The following NTNG2 variants were observed in gnomAD, a reference collection of about 807,000 sequenced individuals.
NTNG2 encodes netrin-G2.
A neutral mutation model predicts 47.6 loss-of-function variants in NTNG2; 15 were observed. The observed-to-expected ratio is 0.32, with a 90% CI of 0.21 to 0.49. NTNG2 has a LOEUF of 0.49. Ranked by LOEUF, NTNG2 falls within the 20% of genes least tolerant of loss-of-function variation. The pLI, the probability that NTNG2 is intolerant of heterozygous loss-of-function variation, is 0.99. For missense variants in NTNG2, 578 were observed against 764.6 expected (o/e 0.76, Z 2.88); for synonymous variants, 307 against 324.6 (o/e 0.95, Z 0.58).
At chr9:132,235,317 G>A (rs1841540802) in intron 5 of NTNG2, among the ~76,000 whole-genome samples, 1 of 152,218 alleles carries the variant, frequency 6.6e-6, no homozygotes, top group Non-Finnish European at 1.5e-5. Flanking sequence ...GGCGGGACCT[G>A]GTCTAGCTCT....
At chr9:132,240,210 C>G (rs569904434) in intron 6 of NTNG2, among the ~76,000 whole-genome samples, 1 of 152,344 alleles carries the variant, frequency 6.6e-6, no homozygotes, top group South Asian at 2.1e-4. Flanking sequence ...TGAATTCTGG[C>G]GGCAGCCTTC....
chr9:132,187,393 G>C (rs1228422094), intron 2 of NTNG2, among the ~76,000 whole-genome samples: 1 of 152,230 alleles, frequency 6.6e-6, no homozygotes, highest in Non-Finnish European at 1.5e-5. Flanking sequence ...CGAGCGGGGA[G>C]GGTGACCTTG....
chr9:132,237,612 G>A (rs12003603), intron 5 of NTNG2, among the ~76,000 whole-genome samples: 2,586 of 152,278 alleles, frequency 0.017, 82 homozygotes, highest in African/African-American at 0.059. Flanking sequence ...ATAGAGGACC[G>A]ATGCCTGGCT....
Position 132,239,289 on chromosome 9 carries a change from C to T in NTNG2, c.1222+18C>T, listed in dbSNP as rs570773248. On this transcript the variant is annotated intron_variant, in intron 6 of 7. Transcript: ENST00000393229. ...CTGCATTGGTGAGAGGGCACGGACA[C>T]GGCACAGGGAACTTGCTGGAATGCG... 2.4e-5 allele frequency: 39 copies of T among 1,612,932 alleles called. 1 individual carries two copies. The highest frequency in any genetic ancestry group is 5.5e-5 in the South Asian group (5 of 91,060).
chr9:132,219,521 C>A (rs1443602514), intron 3 of NTNG2, among the ~76,000 whole-genome samples: 3 of 142,652 alleles, frequency 2.1e-5, no homozygotes, highest in East Asian at 4.1e-4. Context: ...TGCAGTGAGC[C>A]AAGATCATAC....
At chr9:132,178,214 T>C (rs1010839989) in intron 2 of NTNG2, among the ~76,000 whole-genome samples, 1 of 151,962 alleles carries the variant, frequency 6.6e-6, no homozygotes. Context: ...CTCATTTTCT[T>C]CTCCCTCTTT....
intron 2 of NTNG2, among the ~76,000 whole-genome samples, chr9:132,194,619 G>A (rs955353509): frequency 2.6e-5 from 4 of 152,226 alleles, no homozygotes; most frequent in Non-Finnish European, 5.9e-5. Context: ...TCTCGAGAAG[G>A]CTGGGGCCAG....
intron 2 of NTNG2, among the ~76,000 whole-genome samples, chr9:132,192,451 C>T (rs192614952): frequency 9.7e-4 from 147 of 152,214 alleles, no homozygotes; most frequent in African/African-American, 3.3e-3. Flanking sequence ...ATTAGCCAGG[C>T]GTGGTGGCGC....
In NTNG2 at chr9:132,231,351, G is replaced by C. The variant is rs1172407073; in HGVS notation, c.1054+756G>C. ...ATCTGCTCTGCGAGGCAGCAGGAGA[G>C]GACTGGCCAATGTCAAAGAGCCAGC... On this transcript the variant is annotated intron_variant, in intron 5 of 7. Transcript: ENST00000393229. This position sits in a 1 kb window ranked among gnomAD's most constrained non-coding sequence, Gnocchi z 4.1. 2.2e-6 allele frequency: 1 copy of C among 456,258 alleles called. No homozygotes were observed. Among genetic ancestry groups the C allele is most frequent in the South Asian group, 1.5e-5 (1 of 64,522 alleles). The allele number at this position is 456,258 out of a possible 1,614,324, so 28.3% of individuals were successfully genotyped here. A position where few individuals can be genotyped will look rare whatever the true frequency, so the allele number is the denominator to read the frequency against.
In NTNG2 at chr9:132,218,789, G is replaced by T. The variant is rs981020959; in HGVS notation, c.858-8060G>T. 5.3e-5 allele frequency among the ~76,000 whole-genome samples: 8 copies of T among 152,128 alleles called. No individual in the cohort carries two copies. Among genetic ancestry groups the T allele is most frequent in the African/African-American group, 1.9e-4 (8 of 41,426 alleles). ...TGGGATTACAGGCGTGAGCCAACGCGCCCGGCCCCAATGTGATAGGTTTAT... is the reference window on the plus strand; with the variant it reads ...TGGGATTACAGGCGTGAGCCAACGCTCCCGGCCCCAATGTGATAGGTTTAT... On this transcript the variant is annotated intron_variant, in intron 3 of 7. Transcript: ENST00000393229. The surrounding 1 kb of genome is among the most constrained non-coding windows in gnomAD (Gnocchi z 5.4).
At position 132,221,646 on chromosome 9, in the gene NTNG2, C is replaced by T. The variant is rs1186245336; in HGVS notation, c.858-5203C>T. Among the ~76,000 whole-genome samples the T allele has an allele frequency of 6.6e-6, 1 of 152,152 alleles. No homozygotes were observed. Among genetic ancestry groups the T allele is most frequent in the African/African-American group, 2.4e-5 (1 of 41,446 alleles). The stretch of plus-strand genomic sequence containing the variant: ...AGTTGAAGAGGCCGGGACATCTTCT[C>T]CTGTTCCCGAGGAAGACAGGACTGA... On this transcript the variant is annotated intron_variant, in intron 3 of 7. Coordinates refer to ENST00000393229, the MANE Select transcript of NTNG2 (RefSeq NM_032536.4). The surrounding 1 kb of genome is among the most constrained non-coding windows in gnomAD (Gnocchi z 4.2).
chr9:132,173,423 G>A (rs1177698384), intron 2 of NTNG2, among the ~76,000 whole-genome samples: 4 of 152,328 alleles, frequency 2.6e-5, no homozygotes, highest in African/African-American at 2.4e-5. Flanking sequence ...GTGGAAGGCA[G>A]GCAGCTGTGT....
chr9:132,235,174 C>T (rs1169560336), intron 5 of NTNG2, among the ~76,000 whole-genome samples: 2 of 152,182 alleles, frequency 1.3e-5, no homozygotes, highest in Non-Finnish European at 2.9e-5. Context: ...AGGCTCCGGT[C>T]CCTGGATTGC....
chr9:132,218,896 T>G lies in NTNG2; in HGVS notation c.858-7953T>G, dbSNP rs889013158. On this transcript the variant is annotated intron_variant, in intron 3 of 7. Coordinates refer to ENST00000393229, the MANE Select transcript of NTNG2 (RefSeq NM_032536.4). The surrounding 1 kb of genome is among the most constrained non-coding windows in gnomAD (Gnocchi z 5.4). ...TGGAAGCTGTAAGCCCTTCCCTGTT[T>G]CCACACATCCCGATCATTCATTCAC... Among the ~76,000 whole-genome samples, 4 of 152,254 alleles carry G rather than the reference T, an allele frequency of 2.6e-5. No homozygotes were observed. The highest frequency in any genetic ancestry group is 9.6e-5 in the African/African-American group (4 of 41,460).
At chr9:132,172,229 G>A (rs760328828) in intron 2 of NTNG2, among the ~76,000 whole-genome samples, 6 of 152,148 alleles carry the variant, frequency 3.9e-5, no homozygotes, top group Non-Finnish European at 8.8e-5. Flanking sequence ...CAAGGTTCAG[G>A]TTGGACCCTA....
At chr9:132,190,661 A>G (rs1165685381) in intron 2 of NTNG2, among the ~76,000 whole-genome samples, 3 of 152,216 alleles carry the variant, frequency 2.0e-5, no homozygotes, top group African/African-American at 7.2e-5. Flanking sequence ...GATGTTTACA[A>G]CCTGGCCTCT....
chr9:132,209,750 G>A (rs1434356332), intron 3 of NTNG2, among the ~76,000 whole-genome samples: 1 of 152,114 alleles, frequency 6.6e-6, no homozygotes, highest in Non-Finnish European at 1.5e-5. Context: ...AAGAGGGGGT[G>A]TAGGCAAGCT....
intron 4 of NTNG2, among the ~76,000 whole-genome samples, chr9:132,228,301 A>T (rs1242212395): frequency 6.6e-6 from 1 of 152,204 alleles, no homozygotes; most frequent in Non-Finnish European, 1.5e-5. Flanking sequence ...TGAAGGGGTG[A>T]CTTGGCAGGC....
At position 132,242,389 on chromosome 9, in the gene NTNG2, C is replaced by T. The variant is rs796244300; in HGVS notation, c.*278C>T. On this transcript the variant is annotated 3_prime_UTR_variant, in exon 8 of 8. Transcript: ENST00000393229. This position sits in a 1 kb window ranked among gnomAD's most constrained non-coding sequence, Gnocchi z 5.9. Reference sequence around the variant, plus strand: ...TCCTTTTTTGTCTTTCTCTCTCTCTCTTTTTTTTTTTTTTTTTCTGGCGGT... The same window carrying T: ...TCCTTTTTTGTCTTTCTCTCTCTCTTTTTTTTTTTTTTTTTTTCTGGCGGT... 9.7e-5 allele frequency: 13 copies of T among 134,212 alleles called. No individual in the cohort carries two copies. The highest frequency in any genetic ancestry group is 3.2e-4 in the African/African-American group (11 of 34,150). 8.3% of individuals were successfully genotyped at this position (134,212 alleles called of 1,614,324 possible).
Sources: allele counts gnomAD v4.1 joint callset (sites outside exome capture counted in the v4.1 genomes callset), GRCh38; gene constraint gnomAD v4.1.1; non-coding constraint Gnocchi (gnomAD v3.1); transcripts MANE v1.5; gene names NCBI Gene and HGNC (gene_info 2026-07-23, HGNC 2026-07-21).